The following CCSER1 variants were observed in gnomAD, a reference collection of about 807,000 sequenced individuals.
CCSER1 encodes serine-rich coiled-coil domain-containing protein 1.
Under a neutral mutation model 82.0 loss-of-function variants are expected in CCSER1, and 41 were observed. The observed-to-expected ratio is 0.50, with a 90% CI of 0.39 to 0.65. The LOEUF (loss-of-function observed/expected upper bound fraction) is 0.65, where lower values mean the gene tolerates loss of function less well. Among genes scored for constraint, CCSER1 ranks in the 30% least tolerant of loss-of-function variants. CCSER1 has a pLI of 0.00. For missense variants in CCSER1, 1,119 were observed against 1,064.2 expected (o/e 1.05, Z -0.72); for synonymous variants, 414 against 383.9 (o/e 1.08, Z -0.92).
chr4:91,376,247 G>A (rs1005784994), intron 10 of CCSER1, among the ~76,000 whole-genome samples: 24 of 152,258 alleles, frequency 1.6e-4, no homozygotes, highest in African/African-American at 5.5e-4. Context: ...TTAGGTGATT[G>A]CATCATTGTA....
intron 10 of CCSER1, among the ~76,000 whole-genome samples, chr4:91,435,996 C>CT (rs1299430430): frequency 1.3e-5 from 2 of 152,152 alleles, no homozygotes; most frequent in Non-Finnish European, 1.5e-5. Context: ...GAGCAATACT[C>CT]TTTTTTCTGG....
intron 8 of CCSER1, among the ~76,000 whole-genome samples, chr4:90,912,240 A>G (rs1726511897): frequency 6.6e-6 from 1 of 152,192 alleles, no homozygotes. Context: ...GTGTCTGCCC[A>G]GTAGGGGCAG....
intron 10 of CCSER1, among the ~76,000 whole-genome samples, chr4:91,303,344 A>T (rs1744812318): frequency 6.6e-6 from 1 of 152,106 alleles, no homozygotes; most frequent in African/African-American, 2.4e-5. Context: ...TGTCACAGCC[A>T]CAAAGAGCCT....
chr4:90,152,951 T>C (rs1727170866), intron 1 of CCSER1, among the ~76,000 whole-genome samples: 1 of 151,352 alleles, frequency 6.6e-6, no homozygotes, highest in African/African-American at 2.4e-5. Flanking sequence ...TAGTTACATA[T>C]GTATACATGT....
intron 1 of CCSER1, among the ~76,000 whole-genome samples, chr4:90,286,422 C>G: frequency 6.6e-6 from 1 of 152,060 alleles, no homozygotes; most frequent in South Asian, 2.1e-4. Context: ...AGCAGAAGAA[C>G]AGTTTAGTTC....
intron 1 of CCSER1, among the ~76,000 whole-genome samples, chr4:90,182,239 G>GA (rs1187973595): frequency 6.6e-6 from 1 of 151,988 alleles, no homozygotes; most frequent in Non-Finnish European, 1.5e-5. Context: ...TTATACTTTG[G>GA]AAAATAAGAG....
At chr4:90,825,549 G>A (rs933570666) in intron 8 of CCSER1, among the ~76,000 whole-genome samples, 2 of 152,022 alleles carry the variant, frequency 1.3e-5, no homozygotes, top group Non-Finnish European at 2.9e-5. Context: ...GGAAATATGT[G>A]TTTTTTTGTG....
chr4:90,529,901 C>T (rs1233414160), intron 5 of CCSER1, among the ~76,000 whole-genome samples: 1 of 151,122 alleles, frequency 6.6e-6, no homozygotes, highest in Non-Finnish European at 1.5e-5. Flanking sequence ...TAGGAGTATA[C>T]AACCTCATAG....
intron 10 of CCSER1, among the ~76,000 whole-genome samples, chr4:91,176,416 G>A (rs901124551): frequency 2.6e-5 from 4 of 152,166 alleles, no homozygotes. Flanking sequence ...ACCTTGGGCA[G>A]TGTGGCCATT....
intron 10 of CCSER1, among the ~76,000 whole-genome samples, chr4:91,335,641 C>T (rs1022056477): frequency 6.6e-6 from 1 of 151,968 alleles, no homozygotes; most frequent in African/African-American, 2.4e-5. Flanking sequence ...GGAGAGAAAA[C>T]AGAGACTTCT....
rs1778133463 is a variant in CCSER1, at chr4:90,556,308, C to T, written c.1725-71717C>T. On this transcript the variant is annotated intron_variant, in intron 5 of 10. Transcript: ENST00000509176. ...TAATTTCAATTAAACTTCCTAGGCT[C>T]ATATATGAAGAATAAAGTATTAAAC... Among the ~76,000 whole-genome samples the T allele has an allele frequency of 2.0e-5, 3 of 152,000 alleles. No homozygotes were observed. In the South Asian group the frequency reaches 6.2e-4, roughly 31 times the overall value.
chr4:91,042,190 G>A lies in CCSER1; in HGVS notation c.2173-43760G>A, dbSNP rs563760173. ...AGGTGGAGGTAATTGAATCATTGGT[G>A]TGGTTTTCCCCATGATGTTCTTGTT... On this transcript the variant is annotated intron_variant, in intron 9 of 10. Coordinates refer to ENST00000509176, the MANE Select transcript of CCSER1 (RefSeq NM_001145065.2). Among the ~76,000 whole-genome samples the A allele has an allele frequency of 1.0e-3, 152 of 152,274 alleles. 1 individual carries two copies. Among genetic ancestry groups the A allele is most frequent in the African/African-American group, 3.4e-3 (141 of 41,568 alleles).
intron 10 of CCSER1, among the ~76,000 whole-genome samples, chr4:91,165,641 A>G (rs1405497328): frequency 6.6e-6 from 1 of 152,110 alleles, no homozygotes; most frequent in African/African-American, 2.4e-5. Flanking sequence ...GCAATGGCAG[A>G]CGCCCCTCCC....
intron 10 of CCSER1, among the ~76,000 whole-genome samples, chr4:91,403,669 T>C (rs989654186): frequency 6.6e-6 from 1 of 152,196 alleles, no homozygotes; most frequent in Non-Finnish European, 1.5e-5. Flanking sequence ...GTTTTTGTCT[T>C]TGGTTCTGTT....
intron 9 of CCSER1, among the ~76,000 whole-genome samples, chr4:90,988,581 A>G: frequency 6.6e-6 from 1 of 151,710 alleles, no homozygotes; most frequent in East Asian, 1.9e-4. Context: ...TAACAAAGTG[A>G]TGTTTCTAAA....
chr4:90,617,237 T>A (rs1721459080), intron 5 of CCSER1, among the ~76,000 whole-genome samples: 1 of 152,184 alleles, frequency 6.6e-6, no homozygotes, highest in Non-Finnish European at 1.5e-5. Flanking sequence ...GGGAATTATT[T>A]TTTTTTCTGT....
At chr4:90,899,869 T>C (rs1242496334) in intron 8 of CCSER1, among the ~76,000 whole-genome samples, 2 of 152,136 alleles carry the variant, frequency 1.3e-5, no homozygotes, top group South Asian at 2.1e-4. Context: ...CTGAGGATTT[T>C]TGCATCTGTG....
chr4:90,609,120 A>G (rs561405102), intron 5 of CCSER1, among the ~76,000 whole-genome samples: 1 of 152,150 alleles, frequency 6.6e-6, no homozygotes, highest in Non-Finnish European at 1.5e-5. Context: ...TGACCATAAT[A>G]GAAGTGTGAT....
intron 7 of CCSER1, among the ~76,000 whole-genome samples, chr4:90,760,318 T>G (rs1750216624): frequency 1.3e-5 from 2 of 152,076 alleles, no homozygotes; most frequent in South Asian, 4.1e-4. Flanking sequence ...ATTAATATCT[T>G]ACAGTTAACA....
Sources: gnomAD v4.1 joint callset for allele counts (sites outside exome capture counted in the v4.1 genomes callset) on GRCh38, gnomAD v4.1.1 for gene constraint, MANE v1.5 for transcripts, NCBI Gene and HGNC (gene_info 2026-07-23, HGNC 2026-07-21) for gene names.